The following NIPSNAP1 variants were observed in gnomAD, a reference collection of about 807,000 sequenced individuals.
NIPSNAP1 encodes the protein protein NipSnap homolog 1.
A neutral mutation model predicts 49.2 loss-of-function variants in NIPSNAP1; 25 were observed. That is an observed-to-expected ratio of 0.51 (90% CI 0.37 to 0.71). The LOEUF is 0.71. Among genes scored for constraint, NIPSNAP1 ranks in the 30% least tolerant of loss-of-function variants. The probability of loss-of-function intolerance (pLI) is 0.00; values close to 1 mark genes in which losing one functional copy is unlikely to be tolerated. For synonymous variants in NIPSNAP1, 143 were observed against 140.7 expected (o/e 1.02, Z -0.12); for missense variants, 294 against 361.0 (o/e 0.81, Z 1.50).
intron 9 of NIPSNAP1, 136 bp from the exon 10 acceptor site, chr22:29,556,135 C>G: frequency 1.4e-6 from 1 of 704,788 alleles, no homozygotes; most frequent in East Asian, 2.7e-5. Flanking sequence ...TCCCATTGCC[C>G]TCGTGGAAGG....
At position 29,560,715 on chromosome 22, in the gene NIPSNAP1, T is replaced by C; in HGVS notation, c.706+19A>G. 2.5e-6 allele frequency: 4 copies of C among 1,607,698 alleles called. No homozygotes were observed. The Middle Eastern group carries it at 5.0e-4, about 199-fold the overall frequency. ...AGAAAGAGAACTAACAAAAGGCTCCTGGAAGGTCCTCAACCTACCCCAGAG... is the reference window on the plus strand; with the variant it reads ...AGAAAGAGAACTAACAAAAGGCTCCCGGAAGGTCCTCAACCTACCCCAGAG... On this transcript the variant is annotated intron_variant, in intron 8 of 9. Coordinates refer to ENST00000216121, the MANE Select transcript of NIPSNAP1 (RefSeq NM_003634.4).
chr22:29,556,369 A>G (rs2064294363), intron 9 of NIPSNAP1, among the ~76,000 whole-genome samples: 2 of 152,100 alleles, frequency 1.3e-5, no homozygotes, highest in South Asian at 4.1e-4. Flanking sequence ...TACTAAAAAT[A>G]CAAAATTAGC....
At chr22:29,559,616 T>A (rs1371519426) in intron 8 of NIPSNAP1, among the ~76,000 whole-genome samples, 1 of 151,190 alleles carries the variant, frequency 6.6e-6, no homozygotes, top group African/African-American at 2.4e-5. Flanking sequence ...TCCCTAGACC[T>A]CCCAGACTCA....
At chr22:29,565,357 C>T (rs2064362038) in intron 4 of NIPSNAP1, among the ~76,000 whole-genome samples, 1 of 150,964 alleles carries the variant, frequency 6.6e-6, no homozygotes, top group African/African-American at 2.4e-5. Flanking sequence ...ACTAAAAATA[C>T]AAAAATTAGC....
intron 1 of NIPSNAP1, among the ~76,000 whole-genome samples, chr22:29,574,261 C>CCAAAAAAAAAAAAAAA (rs2064432180): frequency 2.7e-5 from 1 of 36,692 alleles, no homozygotes; most frequent in Non-Finnish European, 4.8e-5. Flanking sequence ...TCCATCTTCA[C>CCAAAAAAAAAAAAAAA]AAAAAAAAAA....
chr22:29,569,764 G>A (rs2064393790), intron 3 of NIPSNAP1: 1 of 341,448 alleles, frequency 2.9e-6, no homozygotes, highest in Non-Finnish European at 5.6e-6. Context: ...CGAGGCAGGT[G>A]GATCACCTGA....
In NIPSNAP1 at chr22:29,561,817, C is replaced by A. The variant is rs753617295; in HGVS notation, c.413G>T (p.Cys138Phe). ...FSGGYPALMD[C>F]MNKLKNNKEY... ...CTTATTGTTTTTGAGCTTGTTCATG[C>A]AGTCCATGAGGGCTGGGTAGCCACC... The change falls in exon 5 of 10, where the codon TGC becomes TTC. Residue 138 changes from cysteine (C) to phenylalanine (F), a missense_variant. Physicochemically the swap from Cys to Phe is radical, Grantham distance 205. Around this residue, in one of 4 missense-constraint regions of NIPSNAP1, gnomAD observed 146 missense variants for 219.9 expected, o/e 0.66. Transcript: ENST00000216121. 6 of 1,614,138 alleles carry A rather than the reference C, an allele frequency of 3.7e-6. 1 individual carries two copies.
intron 4 of NIPSNAP1, among the ~76,000 whole-genome samples, chr22:29,562,539 A>T (rs1198924974): frequency 1.3e-5 from 2 of 152,170 alleles, no homozygotes; most frequent in African/African-American, 4.8e-5. Flanking sequence ...TAAAAATACA[A>T]AATTAGCCAG....
At chr22:29,570,645 GGCC>G in intron 1 of NIPSNAP1, 113 bp from the exon 2 acceptor site, 1 of 1,391,134 alleles carries the variant, frequency 7.2e-7, no homozygotes. Context: ...CTGGGAACAG[GGCC>G]ACGGAGTCCT....
intron 1 of NIPSNAP1, among the ~76,000 whole-genome samples, chr22:29,571,807 C>T (rs2064410124): frequency 6.6e-6 from 1 of 151,620 alleles, no homozygotes; most frequent in South Asian, 2.1e-4. Flanking sequence ...CAGAGTCTTG[C>T]TCTTGTTGCT....
chr22:29,579,859 G>A, intron 1 of NIPSNAP1: 1 of 348,792 alleles, frequency 2.9e-6, no homozygotes, highest in Non-Finnish European at 5.7e-6. Context: ...AGATCTGTTA[G>A]TGCCAGGCAA....
At chr22:29,573,347 T>C (rs1297172313) in intron 1 of NIPSNAP1, among the ~76,000 whole-genome samples, 1 of 152,098 alleles carries the variant, frequency 6.6e-6, no homozygotes, top group African/African-American at 2.4e-5. Flanking sequence ...AGTGGTGATA[T>C]GTTTGTATAA....
chr22:29,563,482 G>A (rs9613956), intron 4 of NIPSNAP1, among the ~76,000 whole-genome samples: 36,305 of 151,186 alleles, frequency 0.24, 4,410 homozygotes, highest in Non-Finnish European at 0.28. Flanking sequence ...AGCTGAGATC[G>A]CACCACTGCA....
At chr22:29,574,261 CAAAA>C (rs1158442759) in intron 1 of NIPSNAP1, among the ~76,000 whole-genome samples, 5 of 36,684 alleles carry the variant, frequency 1.4e-4, no homozygotes, top group Non-Finnish European at 2.4e-4. Context: ...TCCATCTTCA[CAAAA>C]AAAAAAAAAA....
chr22:29,558,286 A>G (rs1467948096), intron 9 of NIPSNAP1, among the ~76,000 whole-genome samples: 2 of 152,062 alleles, frequency 1.3e-5, no homozygotes, highest in South Asian at 2.1e-4. Flanking sequence ...CTTGGCCAAC[A>G]TGATAAAACC....
At chr22:29,560,458 G>A (rs551009021) in intron 8 of NIPSNAP1, among the ~76,000 whole-genome samples, 2 of 152,208 alleles carry the variant, frequency 1.3e-5, no homozygotes, top group East Asian at 1.9e-4. Context: ...ATATTGGCCA[G>A]GATGGTCTCG....
intron 2 of NIPSNAP1, 59 bp downstream of exon 2, chr22:29,570,346 C>T: frequency 6.2e-7 from 1 of 1,613,502 alleles, no homozygotes; most frequent in South Asian, 1.1e-5. Context: ...TTCCTGGAGC[C>T]TCACAGGCCC....
Position 29,555,747 on chromosome 22 carries a change from G to A in NIPSNAP1, c.*188C>T, listed in dbSNP as rs902634165. 3.2e-6 allele frequency: 2 copies of A among 619,940 alleles called. No homozygotes were observed. Among genetic ancestry groups the A allele is most frequent in the Non-Finnish European group, 5.9e-6 (2 of 337,798 alleles). 38.4% of individuals were successfully genotyped at this position (619,940 alleles called of 1,614,324 possible). A position where few individuals can be genotyped will look rare whatever the true frequency, so the allele number is the denominator to read the frequency against. On this transcript the variant is annotated 3_prime_UTR_variant, in exon 10 of 10. Transcript: ENST00000216121. ...GGGAGGGAGGCAGGCAGGGAAAGTA[G>A]AAAGGGCCTGGGCAGAGCTGTAATC... is the stretch of plus-strand genomic sequence containing the variant.
At chr22:29,571,491 C>A (rs184077501) in intron 1 of NIPSNAP1, among the ~76,000 whole-genome samples, 3 of 152,314 alleles carry the variant, frequency 2.0e-5, no homozygotes, top group Non-Finnish European at 4.4e-5. Context: ...GGTCTGCTGC[C>A]AGCTCCTACT....
Sources: allele counts gnomAD v4.1 joint callset (sites outside exome capture counted in the v4.1 genomes callset), GRCh38; gene constraint gnomAD v4.1.1; regional missense constraint gnomAD v4.1.1; transcripts MANE v1.5; gene names NCBI Gene and HGNC (gene_info 2026-07-23, HGNC 2026-07-21).